Variants in CTNNA3 observed in about 807,000 individuals in gnomAD.
CTNNA3 encodes the protein catenin alpha-3.
CTNNA3 carries 76 observed loss-of-function variants against 95.7 expected under a neutral mutation model. That is an observed-to-expected ratio of 0.79 (90% CI 0.66 to 0.96). The LOEUF (loss-of-function observed/expected upper bound fraction) is 0.96, where lower values mean the gene tolerates loss of function less well. Ranked by LOEUF, CTNNA3 falls within the 40% of genes least tolerant of loss-of-function variation. The pLI is 0.00. For missense variants in CTNNA3, 1,191 were observed against 1,089.8 expected (o/e 1.09, Z -1.31); for synonymous variants, 431 against 374.4 (o/e 1.15, Z -1.74).
intron 14 of CTNNA3, among the ~76,000 whole-genome samples, chr10:66,086,272 AAAGT>A (rs1264473936): frequency 6.6e-6 from 1 of 152,180 alleles, no homozygotes; most frequent in Non-Finnish European, 1.5e-5. Flanking sequence ...AAGGAAATTA[AAAGT>A]AAGGCTTCAA....
intron 10 of CTNNA3, among the ~76,000 whole-genome samples, chr10:66,586,579 G>T (rs1278716108): frequency 6.6e-6 from 1 of 152,082 alleles, no homozygotes; most frequent in Non-Finnish European, 1.5e-5. Context: ...AACCTGTATG[G>T]CACACTTCCT....
intron 13 of CTNNA3, among the ~76,000 whole-genome samples, chr10:66,104,495 C>A (rs1339636874): frequency 6.6e-6 from 1 of 152,084 alleles, no homozygotes; most frequent in African/African-American, 2.4e-5. Flanking sequence ...TTTGGTTACA[C>A]AGATGAAATG....
chr10:66,071,811 T>TA (rs1054191058), intron 14 of CTNNA3, among the ~76,000 whole-genome samples: 77 of 152,306 alleles, frequency 5.1e-4, no homozygotes, highest in African/African-American at 1.8e-3. Context: ...AACCATTACT[T>TA]ACACAAATAG....
chr10:66,890,789 T>C (rs1283821856), intron 7 of CTNNA3, among the ~76,000 whole-genome samples: 1 of 152,112 alleles, frequency 6.6e-6, no homozygotes, highest in Non-Finnish European at 1.5e-5. Flanking sequence ...GGTGAACTAT[T>C]AGGAATGATT....
chr10:65,920,321 A>G lies in CTNNA3; in HGVS notation c.*9T>C, dbSNP rs763644062. The G allele has an allele frequency of 1.9e-5, 30 of 1,611,280 alleles. No homozygotes were observed. The highest frequency in any genetic ancestry group is 2.1e-5 in the Non-Finnish European group (25 of 1,178,390). On this transcript the variant is annotated 3_prime_UTR_variant, in exon 18 of 18. Coordinates refer to ENST00000433211, the MANE Select transcript of CTNNA3 (RefSeq NM_013266.4). ...TTGTCATATAGGCACTATATGTAGA[A>G]TAGTGGTTTCAGTAGATTTGTCTTC...
chr10:66,732,972 T>A (rs1849010500), intron 9 of CTNNA3, among the ~76,000 whole-genome samples: 1 of 152,000 alleles, frequency 6.6e-6, no homozygotes, highest in Admixed American at 6.6e-5. Context: ...ATTTTTGGAT[T>A]TTTAGTAGAG....
intron 5 of CTNNA3, among the ~76,000 whole-genome samples, chr10:67,288,113 T>C (rs1839681724): frequency 1.3e-5 from 2 of 152,322 alleles, no homozygotes; most frequent in South Asian, 4.1e-4. Context: ...AACAAATAGC[T>C]TACTATTCTG....
intron 5 of CTNNA3, among the ~76,000 whole-genome samples, chr10:67,365,433 C>T (rs927038528): frequency 3.9e-5 from 6 of 152,220 alleles, no homozygotes; most frequent in South Asian, 4.1e-4. Flanking sequence ...TCAGAGTGAA[C>T]AGGCAACCCA....
chr10:66,758,017 T>G (rs1164640118), intron 9 of CTNNA3, among the ~76,000 whole-genome samples: 2 of 152,216 alleles, frequency 1.3e-5, no homozygotes, highest in Non-Finnish European at 2.9e-5. Flanking sequence ...TTATTTTCCT[T>G]TATTTTCTTC....
At chr10:67,192,657 T>C (rs1863172355) in intron 6 of CTNNA3, among the ~76,000 whole-genome samples, 3 of 151,910 alleles carry the variant, frequency 2.0e-5, no homozygotes. Flanking sequence ...CTGGTGGGAA[T>C]GTAAATTGAT....
intron 7 of CTNNA3, among the ~76,000 whole-genome samples, chr10:67,105,048 T>C (rs950784730): frequency 6.6e-6 from 1 of 151,956 alleles, no homozygotes; most frequent in African/African-American, 2.4e-5. Context: ...AGACAAAAAT[T>C]ACACATACCA....
At chr10:66,631,518 A>AT (rs2132345427) in intron 9 of CTNNA3, among the ~76,000 whole-genome samples, 1 of 152,316 alleles carries the variant, frequency 6.6e-6, no homozygotes, top group Admixed American at 6.5e-5. Context: ...ATATCAATAG[A>AT]TTTTTAAAAA....
At chr10:66,522,091 A>G (rs1156955234) in intron 10 of CTNNA3, among the ~76,000 whole-genome samples, 4 of 152,150 alleles carry the variant, frequency 2.6e-5, no homozygotes, top group African/African-American at 9.7e-5. Context: ...GAGCATGAAT[A>G]ATATAATATT....
intron 11 of CTNNA3, among the ~76,000 whole-genome samples, chr10:66,509,328 T>C (rs984443593): frequency 2.0e-5 from 3 of 152,108 alleles, no homozygotes. Context: ...CCTCATTCTA[T>C]AGGCTGTAAC....
intron 13 of CTNNA3, among the ~76,000 whole-genome samples, chr10:66,240,836 C>G (rs1380943359): frequency 6.6e-6 from 1 of 151,762 alleles, no homozygotes; most frequent in Non-Finnish European, 1.5e-5. Flanking sequence ...TCTAAGCAAC[C>G]TCAAAAGTTT....
intron 7 of CTNNA3, among the ~76,000 whole-genome samples, chr10:66,959,592 G>A (rs1178897939): frequency 2.0e-5 from 3 of 152,108 alleles, no homozygotes; most frequent in Admixed American, 6.6e-5. Context: ...AAATGAACTG[G>A]TGAAAGTAGA....
chr10:66,904,964 A>C (rs571959278), intron 7 of CTNNA3, among the ~76,000 whole-genome samples: 2 of 152,184 alleles, frequency 1.3e-5, no homozygotes, highest in Admixed American at 1.3e-4. Flanking sequence ...ACAGTGTGGC[A>C]ATTCCTCAAG....
intron 7 of CTNNA3, among the ~76,000 whole-genome samples, chr10:67,065,042 A>T (rs142000225): frequency 1.4e-3 from 213 of 152,310 alleles, no homozygotes; most frequent in African/African-American, 4.9e-3. Context: ...CTACATAGCA[A>T]GTCCCATAAA....
At chr10:67,450,624 CTATTTG>C (rs1846943628) in intron 5 of CTNNA3, among the ~76,000 whole-genome samples, 1 of 151,758 alleles carries the variant, frequency 6.6e-6, no homozygotes, top group Admixed American at 6.6e-5. Flanking sequence ...ACACTGGAGC[CTATTTG>C]AGGGTAGAGA....
Sources: allele counts gnomAD v4.1 joint callset (sites outside exome capture counted in the v4.1 genomes callset), GRCh38; gene constraint gnomAD v4.1.1; transcripts MANE v1.5; gene names NCBI Gene and HGNC (gene_info 2026-07-23, HGNC 2026-07-21).